The following ANKRD28 variants were observed in gnomAD, a reference collection of about 807,000 sequenced individuals.
The protein encoded by ANKRD28 is serine/threonine-protein phosphatase 6 regulatory ankyrin repeat subunit A.
In ANKRD28, 44 loss-of-function variants were observed where a neutral mutation model predicts 126.5. The ratio of observed to expected loss-of-function variants is 0.35; its 90% CI spans 0.27 to 0.45. The LOEUF (loss-of-function observed/expected upper bound fraction) is 0.45, where lower values mean the gene tolerates loss of function less well. Among genes scored for constraint, ANKRD28 ranks in the 20% least tolerant of loss-of-function variants. The probability of loss-of-function intolerance (pLI) is 1.00; values close to 1 mark genes in which losing one functional copy is unlikely to be tolerated. For missense variants in ANKRD28, 1,110 were observed against 1,316.6 expected (o/e 0.84, Z 2.43); for synonymous variants, 442 against 468.5 (o/e 0.94, Z 0.73).
rs2072782552 is a variant in ANKRD28, at chr3:15,714,659, G to A, written c.997-3C>T. Reference sequence around the variant, plus strand: ...AGTGGGGTTTTCCCATCTTTACTCTGGGGGGGGAAGAAAAAAATTACTCAC... The same window carrying A: ...AGTGGGGTTTTCCCATCTTTACTCTAGGGGGGGAAGAAAAAAATTACTCAC... On this transcript the variant is annotated splice_region_variant and splice_polypyrimidine_tract_variant and intron_variant, in intron 8 of 27. Coordinates refer to ENST00000683139, the MANE Select transcript of ANKRD28 (RefSeq NM_001349278.2). 1.9e-6 allele frequency: 3 copies of A among 1,555,564 alleles called. No homozygotes were observed. The highest frequency in any genetic ancestry group is 2.8e-5 in the African/African-American group (2 of 71,746).
At chr3:15,703,227 T>C (rs534459094) in intron 14 of ANKRD28, among the ~76,000 whole-genome samples, 3 of 152,292 alleles carry the variant, frequency 2.0e-5, no homozygotes, top group African/African-American at 7.2e-5. Flanking sequence ...ACAAAACCTC[T>C]ACACACAAAA....
chr3:15,677,448 A>T, intron 25 of ANKRD28, 32 bp downstream of exon 25: 1 of 1,523,776 alleles, frequency 6.6e-7, no homozygotes, highest in South Asian at 1.1e-5. Flanking sequence ...TAATATTAAC[A>T]ATGGAAACAT....
At chr3:15,719,883 T>C (rs994618281) in intron 8 of ANKRD28, among the ~76,000 whole-genome samples, 17 of 152,066 alleles carry the variant, frequency 1.1e-4, no homozygotes, top group Non-Finnish European at 2.9e-5. Flanking sequence ...CCTTTATTTA[T>C]TTTTTGAGAC....
At chr3:15,828,656 TG>T (rs1168548297) in intron 1 of ANKRD28, among the ~76,000 whole-genome samples, 2 of 15,600 alleles carry the variant, frequency 1.3e-4, no homozygotes, top group Non-Finnish European at 2.5e-4. Context: ...TATTAGTATC[TG>T]GGGGGGTGGG....
chr3:15,671,020 G>T (rs536526957), intron 27 of ANKRD28, among the ~76,000 whole-genome samples: 4 of 152,214 alleles, frequency 2.6e-5, no homozygotes, highest in African/African-American at 7.2e-5. Flanking sequence ...TCTTAAATGT[G>T]TACAGCTTCA....
chr3:15,678,586 G>T (rs2067204659), intron 23 of ANKRD28, among the ~76,000 whole-genome samples: 1 of 152,094 alleles, frequency 6.6e-6, no homozygotes, highest in Non-Finnish European at 1.5e-5. Flanking sequence ...ATGAAGTAAA[G>T]ATTAATTACA....
At chr3:15,813,880 C>T (rs1278264853) in intron 1 of ANKRD28, among the ~76,000 whole-genome samples, 1 of 150,534 alleles carries the variant, frequency 6.6e-6, no homozygotes, top group East Asian at 1.9e-4. Flanking sequence ...TACATCTAAA[C>T]CAAAGTTTGA....
At chr3:15,804,378 A>G (rs1319498087) in intron 1 of ANKRD28, among the ~76,000 whole-genome samples, 1 of 145,600 alleles carries the variant, frequency 6.9e-6, no homozygotes, top group African/African-American at 2.6e-5. Context: ...AAAAATGGAT[A>G]TTTTAATAAA....
chr3:15,670,193 G>T lies in ANKRD28; in HGVS notation c.*77C>A. On this transcript the variant is annotated 3_prime_UTR_variant, in exon 28 of 28. Transcript: ENST00000683139. ...CTTTCCTCTTAGGTTGAATTTCTAC[G>T]TGAATATCAAAGTGCCTTTTTCCTG... is the stretch of plus-strand genomic sequence containing the variant. 1.4e-6 allele frequency: 2 copies of T among 1,467,278 alleles called. No individual in the cohort carries two copies. The highest frequency in any genetic ancestry group is 1.8e-6 in the Non-Finnish European group (2 of 1,082,044). The allele number at this position is 1,467,278 out of a possible 1,614,324, so 90.9% of individuals were successfully genotyped here.
chr3:15,720,794 A>C (rs2073646077), intron 8 of ANKRD28, 121 bp downstream of exon 8: 7 of 896,900 alleles, frequency 7.8e-6, no homozygotes, highest in Non-Finnish European at 1.0e-5. Context: ...TAATATTTTA[A>C]AGATTTATCC....
intron 12 of ANKRD28, 29 bp from the exon 13 acceptor site, chr3:15,709,765 T>C: frequency 2.1e-6 from 3 of 1,424,262 alleles, no homozygotes; most frequent in Admixed American, 2.2e-5. Flanking sequence ...GTTAGAAAAC[T>C]TAATTGACAG....
Position 15,816,730 on chromosome 3 carries a change from A to G in ANKRD28, c.28-21424T>C, listed in dbSNP as rs761592150. Among the ~76,000 whole-genome samples the G allele has an allele frequency of 2.6e-5, 4 of 152,228 alleles. No homozygotes were observed. The highest frequency in any genetic ancestry group is 4.4e-5 in the Non-Finnish European group (3 of 68,032). ...TCATATAAAATTATCAAAGTATGTC[A>G]ATCGTCTCAATTTATATATAGAAGT... On this transcript the variant is annotated intron_variant, in intron 1 of 27. Transcript: ENST00000399451. The surrounding 1 kb of genome is among the most constrained non-coding windows in gnomAD (Gnocchi z 5.0).
chr3:15,781,934 G>A (rs2059556152), intron 2 of ANKRD28, among the ~76,000 whole-genome samples: 1 of 152,046 alleles, frequency 6.6e-6, no homozygotes, highest in African/African-American at 2.4e-5. Context: ...GTACTGAGTG[G>A]GAAAGGAGTG....
At chr3:15,765,166 G>A (rs1396253278) in intron 3 of ANKRD28, among the ~76,000 whole-genome samples, 2 of 151,922 alleles carry the variant, frequency 1.3e-5, no homozygotes, top group Admixed American at 1.3e-4. Context: ...CAATCATCTG[G>A]CTATAACAAA....
chr3:15,809,573 A>G (rs928172698), intron 1 of ANKRD28, among the ~76,000 whole-genome samples: 1 of 152,210 alleles, frequency 6.6e-6, no homozygotes, highest in African/African-American at 2.4e-5. Flanking sequence ...TGAGGACACA[A>G]TCCCAGTAAG....
intron 1 of ANKRD28, among the ~76,000 whole-genome samples, chr3:15,795,715 G>A (rs1438615171): frequency 6.6e-6 from 1 of 152,056 alleles, no homozygotes; most frequent in African/African-American, 2.4e-5. Flanking sequence ...TCTGTTTGGG[G>A]CATCAAATTA....
intron 17 of ANKRD28, among the ~76,000 whole-genome samples, chr3:15,693,242 A>G (rs969507210): frequency 6.6e-6 from 1 of 152,154 alleles, no homozygotes; most frequent in Non-Finnish European, 1.5e-5. Context: ...TTAAGAAGGT[A>G]CGTTTTATGC....
rs1280596200 is a variant in ANKRD28, at chr3:15,690,206, G to A, written c.1776C>T (p.His592=). 2 of 1,601,002 alleles carry A rather than the reference G, an allele frequency of 1.2e-6. No homozygotes were observed. The highest frequency in any genetic ancestry group is 1.7e-6 in the Non-Finnish European group (2 of 1,173,290). The change falls in exon 18 of 28, where the codon CAC becomes CAT. Residue 592 remains histidine (H), a synonymous_variant. Transcript: ENST00000683139. ...SPLHLAAYHG[H]HQALEVLVQS... Reference sequence around the variant, plus strand: ...GTACCAACACTTCCAGTGCTTGATGGTGACCATGATAGGCCTAGAAATAAA... The same window carrying A: ...GTACCAACACTTCCAGTGCTTGATGATGACCATGATAGGCCTAGAAATAAA...
At chr3:15,749,415 GTTT>G (rs1448625019) in intron 4 of ANKRD28, among the ~76,000 whole-genome samples, 1 of 152,146 alleles carries the variant, frequency 6.6e-6, no homozygotes. Context: ...CCCGGCCTAT[GTTT>G]TTAATTTAAG....
Sources: gnomAD v4.1 joint callset for allele counts (sites outside exome capture counted in the v4.1 genomes callset) on GRCh38, gnomAD v4.1.1 for gene constraint, Gnocchi (gnomAD v3.1) non-coding constraint, MANE v1.5 for transcripts, NCBI Gene and HGNC (gene_info 2026-07-23, HGNC 2026-07-21) for gene names.